Variants in SUPT5H observed in about 807,000 individuals in gnomAD.
SUPT5H encodes transcription elongation factor SPT5.
SUPT5H carries 24 observed loss-of-function variants against 142.5 expected under a neutral mutation model. The ratio of observed to expected loss-of-function variants is 0.17; its 90% confidence interval spans 0.12 to 0.24. SUPT5H has a LOEUF of 0.24. SUPT5H is among the 10% of genes least tolerant of loss of function. The pLI is 1.00. For synonymous variants in SUPT5H, 546 were observed against 553.0 expected, an observed-to-expected ratio of 0.99 and a Z score of 0.18; for missense variants, 893 against 1,471.8, an observed-to-expected ratio of 0.61 and a Z score of 6.43.
chr19:39,453,327 G>A (rs1212013351), intron 2 of SUPT5H, 29 bp from the exon 3 acceptor site: 1 of 1,556,114 alleles, frequency 6.4e-7, no homozygotes, highest in African/African-American at 1.4e-5. Flanking sequence ...GCAGAATTCT[G>A]GTGCTACAAC....
At chr19:39,456,607 CGGG>C (rs1472524703) in intron 3 of SUPT5H, among the ~76,000 whole-genome samples, 2 of 151,146 alleles carry the variant, frequency 1.3e-5, no homozygotes, top group Non-Finnish European at 3.0e-5. Flanking sequence ...TTAGTAGAGA[CGGG>C]GGTTTCACCA....
chr19:39,474,279 A>G lies in SUPT5H; in HGVS notation c.2697A>G (p.Gln899=). 6.2e-7 allele frequency: 1 copy of G among 1,613,788 alleles called. No homozygotes were observed. The highest frequency in any genetic ancestry group is 1.1e-5 in the South Asian group (1 of 91,062). The stretch of plus-strand genomic sequence containing the variant: ...CTCCCTATGCTGCCCCCTCCCCACA[A>G]GGTTCCTACCAGCCCAGCCCCAGCC... ...QFSPYAAPSP[Q]GSYQPSPSPQ... The change falls in exon 27 of 30, where the codon CAA becomes CAG. Residue 899 remains glutamine, a synonymous_variant. Transcript: ENST00000432763. This position sits in a 1 kb window ranked among gnomAD's most constrained non-coding sequence, Gnocchi z 6.5.
intron 2 of SUPT5H, among the ~76,000 whole-genome samples, 168 bp downstream of exon 2, chr19:39,446,133 A>G (rs777817079): frequency 2.6e-5 from 4 of 152,208 alleles, no homozygotes; most frequent in Non-Finnish European, 4.4e-5. Context: ...GCAAAGGGAC[A>G]GGTTCTGGAG....
rs1454127876 is a variant in SUPT5H, at chr19:39,466,462, TCTG to T, written c.877-15_877-13del. 5.6e-6 allele frequency: 9 copies of T among 1,612,908 alleles called. No individual in the cohort carries two copies. The highest frequency in any genetic ancestry group is 3.3e-5 in the Admixed American group (2 of 60,002). On this transcript the variant is annotated splice_polypyrimidine_tract_variant and intron_variant, in intron 11 of 29. Coordinates refer to ENST00000432763, the MANE Select transcript of SUPT5H (RefSeq NM_001111020.3). This position sits in a 1 kb window ranked among gnomAD's most constrained non-coding sequence, Gnocchi z 4.3. ...GAGGAGAGTGGGGCCCTGCTGACCT[TCTG>T]CTCGCCCTGCTCAGGTGGACTACGT...
chr19:39,449,439 C>G (rs2078992618), intron 2 of SUPT5H, among the ~76,000 whole-genome samples: 1 of 152,180 alleles, frequency 6.6e-6, no homozygotes. Context: ...GCAAATATTT[C>G]TGAAGTCTTC....
rs1172006742 is a variant in SUPT5H at position 39,473,131 on chromosome 19, G to T, written c.2258+17G>T. The T allele has an allele frequency of 1.2e-6, 2 of 1,612,142 alleles. No homozygotes were observed. The highest frequency in any genetic ancestry group is 1.7e-6 in the Non-Finnish European group (2 of 1,179,684). ...CACCACGGTGTACGGGCGGGGCCTG[G>T]GGAGGGCCAGGGTGGGGCTTGCTAG... On this transcript the variant is annotated intron_variant, in intron 23 of 29. Coordinates refer to ENST00000432763, the MANE Select transcript of SUPT5H (RefSeq NM_001111020.3). This position sits in a 1 kb window ranked among gnomAD's most constrained non-coding sequence, Gnocchi z 5.8.
chr19:39,457,544 T>C (rs2079105996), intron 3 of SUPT5H, 131 bp from the exon 4 acceptor site: 4 of 1,485,930 alleles, frequency 2.7e-6, no homozygotes, highest in Non-Finnish European at 2.7e-6. Flanking sequence ...AGTGCCTCCC[T>C]GTTGGAGCCT....
chr19:39,459,712 C>A, intron 9 of SUPT5H, 123 bp downstream of exon 9: 1 of 1,363,508 alleles, frequency 7.3e-7, no homozygotes, highest in Admixed American at 1.7e-5. Context: ...CTTCTGTCTC[C>A]ATCCCTCACT....
chr19:39,464,519 C>G (rs2079209037), intron 10 of SUPT5H, among the ~76,000 whole-genome samples: 1 of 152,140 alleles, frequency 6.6e-6, no homozygotes, highest in African/African-American at 2.4e-5. Flanking sequence ...GCCATCACAC[C>G]CAGCTAGTTT....
chr19:39,472,800 C>T lies in SUPT5H; in HGVS notation c.2036-10C>T, dbSNP rs2079340123. The T allele has an allele frequency of 6.2e-7, 1 of 1,609,510 alleles. No individual in the cohort carries two copies. Among genetic ancestry groups the T allele is most frequent in the East Asian group, 2.2e-5 (1 of 44,846 alleles). The stretch of plus-strand genomic sequence containing the variant: ...CGTGGGGGACCAGTGACATTCTCCC[C>T]AATCCCCAGGTCAGCGTGGCGGCTT... On this transcript the variant is annotated splice_polypyrimidine_tract_variant and intron_variant, in intron 21 of 29. Transcript: ENST00000432763. The surrounding 1 kb of genome is among the most constrained non-coding windows in gnomAD (Gnocchi z 4.2).
chr19:39,464,285 C>T (rs1377028386), intron 10 of SUPT5H, among the ~76,000 whole-genome samples: 2 of 152,116 alleles, frequency 1.3e-5, no homozygotes, highest in Non-Finnish European at 2.9e-5. Context: ...GTGCCCGGCT[C>T]TAGTTGCTTT....
Position 39,458,264 on chromosome 19 carries a change from A to ACCACCACCT in SUPT5H, c.308-22_308-21insTCCACCACC, listed in dbSNP as rs760627124. The ACCACCACCT allele has an allele frequency of 2.9e-5, 22 of 746,894 alleles. No homozygotes were observed. The highest frequency in any genetic ancestry group is 4.5e-5 in the Non-Finnish European group (21 of 468,336). The allele number at this position is 746,894 out of a possible 1,614,324, so 46.3% of individuals were successfully genotyped here. A position where few individuals can be genotyped will look rare whatever the true frequency, so the allele number is the denominator to read the frequency against. On this transcript the variant is annotated intron_variant, in intron 4 of 29. Transcript: ENST00000432763. The surrounding 1 kb of genome is among the most constrained non-coding windows in gnomAD (Gnocchi z 4.2). ...CACCACCACCACCACCACCACCACCACCACCACCACCTCCTCTTCCTCCAA... is the reference window on the plus strand; with the variant it reads ...CACCACCACCACCACCACCACCACCACCACCACCTCCACCACCACCTCCTCTTCCTCCAA...
Position 39,445,802 on chromosome 19 carries a change from A to G in SUPT5H, c.-87-2A>G, listed in dbSNP as rs1189433871. The stretch of plus-strand genomic sequence containing the variant: ...GCGCCCTAAGGGGTTTTCTTCTCCC[A>G]GGGAACCAGCGGGGAAACTGAGGCT... On this transcript the variant is annotated splice_acceptor_variant, in intron 1 of 29. Transcript: ENST00000432763. LOFTEE classifies it low-confidence loss of function (5UTR_SPLICE). 4 of 1,516,060 alleles carry G rather than the reference A, an allele frequency of 2.6e-6. No homozygotes were observed. The South Asian group carries it at 3.5e-5, about 13-fold the overall frequency. 93.9% of individuals were successfully genotyped at this position (1,516,060 alleles called of 1,614,324 possible). A position where few individuals can be genotyped will look rare whatever the true frequency, so the allele number is the denominator to read the frequency against.
chr19:39,457,538 C>T, intron 3 of SUPT5H, 137 bp from the exon 4 acceptor site: 1 of 1,460,402 alleles, frequency 6.8e-7, no homozygotes, highest in Non-Finnish European at 9.2e-7. Context: ...CAGACGAGTG[C>T]CTCCCTGTTG....
chr19:39,469,422 AG>A lies in SUPT5H; in HGVS notation c.1374+28del. The A allele has an allele frequency of 6.2e-7, 1 of 1,614,118 alleles. No homozygotes were observed. Among genetic ancestry groups the A allele is most frequent in the Non-Finnish European group, 8.5e-7 (1 of 1,180,014 alleles). On this transcript the variant is annotated intron_variant, in intron 16 of 29. Transcript: ENST00000432763. The surrounding 1 kb of genome is among the most constrained non-coding windows in gnomAD (Gnocchi z 5.1). Reference sequence around the variant, plus strand: ...AGGTGGGTGCCCGGTGTTCTCGGGCAGGGGTTGGAGTGTTCAGGCACATCTG... The same window carrying A: ...AGGTGGGTGCCCGGTGTTCTCGGGCAGGGTTGGAGTGTTCAGGCACATCTG...
Position 39,471,872 on chromosome 19 carries a change from A to C in SUPT5H, c.1950+142A>C, listed in dbSNP as rs942793103. ...TGTCAGGTCCTTGGCAAAGAGTGAG[A>C]AGGTTTATTTGGGATTCTGAGCTGT... On this transcript the variant is annotated intron_variant, in intron 20 of 29. Transcript: ENST00000432763. 5 of 1,237,416 alleles carry C rather than the reference A, an allele frequency of 4.0e-6. No individual in the cohort carries two copies. The African/African-American group carries it at 7.6e-5, about 19-fold the overall frequency. The allele number at this position is 1,237,416 out of a possible 1,614,324, so 76.7% of individuals were successfully genotyped here. A position where few individuals can be genotyped will look rare whatever the true frequency, so the allele number is the denominator to read the frequency against.
At chr19:39,454,713 A>G (rs542689911) in intron 3 of SUPT5H, among the ~76,000 whole-genome samples, 21 of 152,164 alleles carry the variant, frequency 1.4e-4, no homozygotes, top group Non-Finnish European at 2.5e-4. Context: ...ACTAGTTCAT[A>G]CTTCCATGAT....
intron 28 of SUPT5H, 103 bp from the exon 29 acceptor site, chr19:39,475,978 C>G: frequency 3.6e-6 from 4 of 1,114,210 alleles, no homozygotes; most frequent in Non-Finnish European, 5.2e-6. Context: ...CCCATTTCAC[C>G]TTGAGTTCTC....
At position 39,469,248 on chromosome 19, in the gene SUPT5H, G is replaced by A. The variant is rs373020130; in HGVS notation, c.1238-14G>A. 5 of 1,614,186 alleles carry A rather than the reference G, an allele frequency of 3.1e-6. No individual in the cohort carries two copies. Among genetic ancestry groups the A allele is most frequent in the East Asian group, 2.2e-5 (1 of 44,884 alleles). On this transcript the variant is annotated splice_polypyrimidine_tract_variant and intron_variant, in intron 15 of 29. Transcript: ENST00000432763. This position sits in a 1 kb window ranked among gnomAD's most constrained non-coding sequence, Gnocchi z 5.1. ...GTGGCAACCCCCGAGTCAGCCCTAC[G>A]ACTGCCCCTGCAGGGAAGGAGCGGG...
Sources: allele counts gnomAD v4.1 joint callset (sites outside exome capture counted in the v4.1 genomes callset), GRCh38; gene constraint gnomAD v4.1.1; non-coding constraint Gnocchi (gnomAD v3.1); transcripts MANE v1.5; gene names NCBI Gene and HGNC (gene_info 2026-07-23, HGNC 2026-07-21).